EYS: variants seen among roughly 807,000 people sequenced by gnomAD.
The protein encoded by EYS is EGF-like photoreceptor maintenance factor.
Under a neutral mutation model 282.1 loss-of-function variants are expected in EYS, and 250 were observed. The observed-to-expected ratio is 0.89, with a 90% CI of 0.80 to 0.98. The LOEUF (loss-of-function observed/expected upper bound fraction) is 0.98, where lower values mean the gene tolerates loss of function less well. EYS is among the 50% of genes least tolerant of loss of function. The probability of loss-of-function intolerance (pLI) is 0.00; values close to 1 mark genes in which losing one functional copy is unlikely to be tolerated. For synonymous variants in EYS, 1,355 were observed against 1,282.9 expected, an observed-to-expected ratio of 1.06 and a Z score of -1.20; for missense variants, 4,016 against 3,709.0, an observed-to-expected ratio of 1.08 and a Z score of -2.15.
rs572085142 is a variant in EYS, at chr6:65,318,037, T to G, written c.1766+16943A>C. ...CGCCCGCCACCACGCCCAGCTAATT[T>G]TTTGTATTTTCAGTAGAGACGGGAT... On this transcript the variant is annotated intron_variant, in intron 11 of 42. Coordinates refer to ENST00000503581, the MANE Select transcript of EYS (RefSeq NM_001142800.2). Among the ~76,000 whole-genome samples the G allele has an allele frequency of 2.5e-3, 382 of 150,882 alleles. 5 individuals are homozygous for G. In the South Asian group the frequency reaches 0.037, roughly 15 times the overall value.
intron 31 of EYS, among the ~76,000 whole-genome samples, chr6:64,187,583 T>C (rs1047726779): frequency 6.6e-6 from 1 of 152,110 alleles, no homozygotes; most frequent in Non-Finnish European, 1.5e-5. Context: ...TGTCCAGCTA[T>C]ACAGTTTGGA....
chr6:64,341,138 A>G (rs1057491531), intron 29 of EYS, among the ~76,000 whole-genome samples: 2 of 151,694 alleles, frequency 1.3e-5, no homozygotes, highest in African/African-American at 4.8e-5. Context: ...ACCCCACCCC[A>G]AAGAAGTTTG....
chr6:63,820,937 A>G (rs1012301110), intron 36 of EYS, among the ~76,000 whole-genome samples: 5 of 152,120 alleles, frequency 3.3e-5, no homozygotes, highest in African/African-American at 9.7e-5. Context: ...TTGTTGTTAT[A>G]CATATTATTC....
At chr6:65,410,178 A>G (rs1174871498) in intron 5 of EYS, among the ~76,000 whole-genome samples, 1 of 152,132 alleles carries the variant, frequency 6.6e-6, no homozygotes, top group Non-Finnish European at 1.5e-5. Context: ...GCATTTCCAT[A>G]GTGCTTACAT....
chr6:63,941,720 C>A (rs1765246454), intron 35 of EYS, among the ~76,000 whole-genome samples: 1 of 152,128 alleles, frequency 6.6e-6, no homozygotes, highest in African/African-American at 2.4e-5. Context: ...ACTGTTTGTG[C>A]AAATGCAGTT....
intron 35 of EYS, among the ~76,000 whole-genome samples, chr6:63,974,206 C>T (rs1420058353): frequency 6.6e-6 from 1 of 151,992 alleles, no homozygotes; most frequent in Non-Finnish European, 1.5e-5. Flanking sequence ...TAGTGGTTAA[C>T]ACAATTTACC....
intron 21 of EYS, among the ~76,000 whole-genome samples, chr6:64,815,789 C>T (rs1449423914): frequency 6.6e-6 from 1 of 152,012 alleles, no homozygotes; most frequent in African/African-American, 2.4e-5. Flanking sequence ...AGCTTGACCC[C>T]AGTGATATAT....
chr6:64,175,718 C>T (rs1246136974), intron 31 of EYS, among the ~76,000 whole-genome samples: 1 of 152,076 alleles, frequency 6.6e-6, no homozygotes. Flanking sequence ...AGGCATTGTC[C>T]GGTCATGCCC....
intron 31 of EYS, among the ~76,000 whole-genome samples, chr6:64,190,851 A>G (rs1013537546): frequency 6.6e-6 from 1 of 152,212 alleles, no homozygotes; most frequent in Non-Finnish European, 1.5e-5. Flanking sequence ...ATGTTTAAAC[A>G]TTTTTGTAAC....
chr6:64,596,907 A>G (rs1766603952), intron 24 of EYS, among the ~76,000 whole-genome samples: 1 of 152,194 alleles, frequency 6.6e-6, no homozygotes, highest in South Asian at 2.1e-4. Flanking sequence ...GAAACAATTG[A>G]CAGAGTGAAC....
At chr6:63,961,846 A>T (rs1766080857) in intron 35 of EYS, among the ~76,000 whole-genome samples, 3 of 152,202 alleles carry the variant, frequency 2.0e-5, no homozygotes, top group Admixed American at 1.3e-4. Context: ...ACTATAGACC[A>T]ATCTTCAATG....
At chr6:64,350,615 C>G (rs573185274) in intron 29 of EYS, among the ~76,000 whole-genome samples, 76 of 151,562 alleles carry the variant, frequency 5.0e-4, no homozygotes, top group African/African-American at 1.8e-3. Flanking sequence ...TTGGAAGTGA[C>G]AAGGAAATAG....
intron 21 of EYS, among the ~76,000 whole-genome samples, chr6:64,818,017 G>A (rs1394588527): frequency 6.6e-6 from 1 of 152,072 alleles, no homozygotes; most frequent in Non-Finnish European, 1.5e-5. Flanking sequence ...TACTTCATCT[G>A]AGAAAGTCAC....
At chr6:63,998,976 C>G (rs1384610869) in intron 34 of EYS, 99 bp downstream of exon 34, 3 of 726,146 alleles carry the variant, frequency 4.1e-6, no homozygotes, top group East Asian at 5.6e-5. Flanking sequence ...GGAATCTGTT[C>G]AATTAAGAAA....
At chr6:64,301,740 G>C (rs1229636926) in intron 30 of EYS, among the ~76,000 whole-genome samples, 2 of 152,096 alleles carry the variant, frequency 1.3e-5, no homozygotes, top group Non-Finnish European at 2.9e-5. Flanking sequence ...GTTCTTATCT[G>C]GTACTTCTGT....
At chr6:64,451,901 C>G (rs570199049) in intron 26 of EYS, among the ~76,000 whole-genome samples, 2 of 152,298 alleles carry the variant, frequency 1.3e-5, no homozygotes, top group East Asian at 3.9e-4. Context: ...CAGCCAATAT[C>G]ATACTGAATG....
At chr6:64,480,611 T>G (rs1344092574) in intron 26 of EYS, among the ~76,000 whole-genome samples, 1 of 151,824 alleles carries the variant, frequency 6.6e-6, no homozygotes, top group Non-Finnish European at 1.5e-5. Context: ...AGAAGCAAAC[T>G]AAAATGTGCA....
intron 35 of EYS, among the ~76,000 whole-genome samples, chr6:63,935,576 T>C (rs968685172): frequency 3.3e-5 from 5 of 152,102 alleles, no homozygotes; most frequent in African/African-American, 1.2e-4. Flanking sequence ...CAGAAAGATA[T>C]AAGATGAATG....
chr6:64,825,633 C>T lies in EYS; in HGVS notation c.2993-2811G>A, dbSNP rs536208391. Among the ~76,000 whole-genome samples, 113 of 151,864 alleles carry T rather than the reference C, an allele frequency of 7.4e-4. 1 individual carries two copies. Among genetic ancestry groups the T allele is most frequent in the African/African-American group, 2.5e-3 (105 of 41,484 alleles). ...AGGTGAGAGTCAGAATCCAATGAGGCGATGGTGATGCCTCTGAGGTGCATA... is the reference window on the plus strand; with the variant it reads ...AGGTGAGAGTCAGAATCCAATGAGGTGATGGTGATGCCTCTGAGGTGCATA... On this transcript the variant is annotated intron_variant, in intron 19 of 42. Coordinates refer to ENST00000503581, the MANE Select transcript of EYS (RefSeq NM_001142800.2).
Sources: gnomAD v4.1 joint callset for allele counts (sites outside exome capture counted in the v4.1 genomes callset) on GRCh38, gnomAD v4.1.1 for gene constraint, MANE v1.5 for transcripts, NCBI Gene and HGNC (gene_info 2026-07-23, HGNC 2026-07-21) for gene names.